Variants in OPCML observed in about 807,000 individuals in gnomAD.
OPCML encodes the protein opioid binding protein/cell adhesion molecule like.
Under a neutral mutation model 37.8 loss-of-function variants are expected in OPCML, and 13 were observed. That is an observed-to-expected ratio of 0.34 (90% CI 0.22 to 0.55). The LOEUF (loss-of-function observed/expected upper bound fraction) is 0.55, where lower values mean the gene tolerates loss of function less well. Among genes scored for constraint, OPCML ranks in the 20% least tolerant of loss-of-function variants. The pLI is 0.91. For synonymous variants in OPCML, 176 were observed against 168.8 expected (o/e 1.04, Z -0.33); for missense variants, 341 against 435.6 (o/e 0.78, Z 1.93).
intron 1 of OPCML, among the ~76,000 whole-genome samples, chr11:133,481,109 G>A (rs1371459023): frequency 4.6e-5 from 7 of 152,304 alleles, no homozygotes; most frequent in East Asian, 1.9e-4. Flanking sequence ...TAATTTTATC[G>A]AGATTAACCA....
intron 2 of OPCML, among the ~76,000 whole-genome samples, chr11:132,876,694 A>C (rs1455222543): frequency 1.3e-5 from 2 of 152,178 alleles, no homozygotes; most frequent in Non-Finnish European, 1.5e-5. Flanking sequence ...GCCCCGGATG[A>C]GCTATCACCC....
chr11:132,889,588 T>C (rs116929645), intron 2 of OPCML, among the ~76,000 whole-genome samples: 1,945 of 152,342 alleles, frequency 0.013, 23 homozygotes, highest in Non-Finnish European at 0.022. Context: ...CTTCCTGATA[T>C]TTCCTACCAG....
At chr11:133,308,951 C>T (rs959307424) in intron 1 of OPCML, among the ~76,000 whole-genome samples, 1 of 152,130 alleles carries the variant, frequency 6.6e-6, no homozygotes, top group Non-Finnish European at 1.5e-5. Context: ...CATGAGTTCA[C>T]ATTGATATAA....
intron 1 of OPCML, chr11:133,004,251 GCCT>G (rs1947064929): frequency 1.9e-5 from 19 of 985,446 alleles, no homozygotes; most frequent in Non-Finnish European, 2.3e-5. Context: ...GGACGTAACT[GCCT>G]CCTTAGAGGC....
intron 4 of OPCML, among the ~76,000 whole-genome samples, chr11:132,482,172 G>A (rs2096182884): frequency 1.3e-5 from 2 of 150,110 alleles, no homozygotes; most frequent in South Asian, 2.1e-4. Context: ...TAGACTGCTA[G>A]CAAGACTAAT....
chr11:132,552,830 G>A (rs1468909763), intron 3 of OPCML, among the ~76,000 whole-genome samples: 3 of 140,774 alleles, frequency 2.1e-5, no homozygotes, highest in African/African-American at 5.6e-5. Flanking sequence ...GCAGTGGCAC[G>A]ATCTTGGCTC....
At chr11:133,479,068 C>A (rs543621049) in intron 1 of OPCML, among the ~76,000 whole-genome samples, 1 of 152,150 alleles carries the variant, frequency 6.6e-6, no homozygotes, top group Admixed American at 6.5e-5. Flanking sequence ...TTAAAGGATA[C>A]GTAAAATGAC....
At chr11:132,759,163 G>T (rs2136091581) in intron 2 of OPCML, among the ~76,000 whole-genome samples, 1 of 152,276 alleles carries the variant, frequency 6.6e-6, no homozygotes, top group African/African-American at 2.4e-5. Context: ...CTTGATCATG[G>T]TGGGTAAGCT....
At chr11:132,524,080 T>C (rs7946865) in intron 4 of OPCML, among the ~76,000 whole-genome samples, 15,697 of 152,186 alleles carry the variant, frequency 0.1, 1,912 homozygotes, top group African/African-American at 0.29. Flanking sequence ...AGTGGACGAC[T>C]ATGGCATTGC....
chr11:133,027,860 G>A (rs909884545), intron 1 of OPCML, among the ~76,000 whole-genome samples: 34 of 8,144 alleles, frequency 4.2e-3, no homozygotes, highest in African/African-American at 0.013. Flanking sequence ...GTGTGTGTGG[G>A]TTTTGTACCT....
chr11:132,471,557 C>G (rs2096138071), intron 4 of OPCML, among the ~76,000 whole-genome samples: 1 of 152,194 alleles, frequency 6.6e-6, no homozygotes, highest in Admixed American at 6.5e-5. Context: ...AGTTGGCTCA[C>G]TCTCGCAACT....
chr11:133,411,774 T>C (rs933620598), intron 1 of OPCML, among the ~76,000 whole-genome samples: 6 of 152,216 alleles, frequency 3.9e-5, no homozygotes, highest in Non-Finnish European at 7.3e-5. Context: ...CAGGTTTTTC[T>C]ATGCAGCTAA....
At chr11:132,956,053 G>C (rs2136708360) in intron 1 of OPCML, among the ~76,000 whole-genome samples, 1 of 152,238 alleles carries the variant, frequency 6.6e-6, no homozygotes, top group Non-Finnish European at 1.5e-5. Flanking sequence ...CAGTCTCACA[G>C]ATATCATAGC....
intron 2 of OPCML, among the ~76,000 whole-genome samples, chr11:132,755,789 A>C (rs1315099293): frequency 6.6e-6 from 1 of 152,210 alleles, no homozygotes; most frequent in Non-Finnish European, 1.5e-5. Flanking sequence ...ACAACCACCA[A>C]CAAAGCAACA....
chr11:132,659,120 A>G (rs1941840224), intron 2 of OPCML, among the ~76,000 whole-genome samples: 1 of 152,182 alleles, frequency 6.6e-6, no homozygotes, highest in South Asian at 2.1e-4. Flanking sequence ...ATTGGTATAA[A>G]GAAAAAATGA....
chr11:132,807,340 C>G (rs1024928775), intron 2 of OPCML, among the ~76,000 whole-genome samples: 4 of 152,132 alleles, frequency 2.6e-5, no homozygotes, highest in Non-Finnish European at 5.9e-5. Context: ...GAGTCTATCA[C>G]TAGAGATCTC....
At chr11:133,160,424 G>A (rs1052459178) in intron 1 of OPCML, among the ~76,000 whole-genome samples, 2 of 152,230 alleles carry the variant, frequency 1.3e-5, no homozygotes, top group African/African-American at 4.8e-5. Context: ...AGTAAAGTCA[G>A]CAGTTTACTG....
chr11:133,194,557 C>T (rs576538673), intron 1 of OPCML, among the ~76,000 whole-genome samples: 98 of 152,270 alleles, frequency 6.4e-4, no homozygotes, highest in African/African-American at 2.3e-3. Context: ...CAGGCCACAT[C>T]TTCTCAGGAT....
chr11:132,555,485 C>T (rs1301946916), intron 3 of OPCML, among the ~76,000 whole-genome samples: 1 of 152,100 alleles, frequency 6.6e-6, no homozygotes, highest in Non-Finnish European at 1.5e-5. Context: ...AATTATCTCC[C>T]ACCAGGTCCC....
Sources: allele counts gnomAD v4.1 joint callset (sites outside exome capture counted in the v4.1 genomes callset), GRCh38; gene constraint gnomAD v4.1.1; transcripts MANE v1.5; gene names NCBI Gene and HGNC (gene_info 2026-07-23, HGNC 2026-07-21).